Variants in TAB2 observed in about 807,000 individuals in gnomAD.
The protein encoded by TAB2 is TGF-beta activated kinase 1 (MAP3K7) binding protein 2.
TAB2 carries 3 observed loss-of-function variants against 65.0 expected under a neutral mutation model. The ratio of observed to expected loss-of-function variants is 0.05; its 90% CI spans 0.02 to 0.12. The LOEUF (loss-of-function observed/expected upper bound fraction) is 0.12. Ranked by LOEUF, TAB2 falls within the 10% of genes least tolerant of loss-of-function variation. The pLI is 1.00. For missense variants in TAB2, 623 were observed against 840.3 expected (o/e 0.74, Z 3.20); for synonymous variants, 298 against 285.1 (o/e 1.05, Z -0.46).
intron 3 of TAB2, among the ~76,000 whole-genome samples, chr6:149,384,662 A>G (rs966056218): frequency 6.6e-6 from 1 of 152,226 alleles, no homozygotes; most frequent in African/African-American, 2.4e-5. Flanking sequence ...TTTCCCCTTA[A>G]GTCATACCAC....
upstream of TAB2, among the ~76,000 whole-genome samples, chr6:149,316,478 A>C (rs966523386): frequency 3.9e-5 from 6 of 152,214 alleles, no homozygotes; most frequent in African/African-American, 9.6e-5. Context: ...TTTTCTCTGG[A>C]GTAAGAATTG....
chr6:149,318,028 C>T lies in TAB2; in HGVS notation c.-90+13C>T. 6.2e-6 allele frequency: 1 copy of T among 160,840 alleles called. No individual in the cohort carries two copies. The highest frequency in any genetic ancestry group is 1.4e-4 in the South Asian group (1 of 7,046). 10.0% of individuals were successfully genotyped at this position (160,840 alleles called of 1,614,324 possible). On this transcript the variant is annotated intron_variant, in intron 1 of 6. Transcript: ENST00000637181. ...GCGGCGGCAAAGGGTAAGCGGACAG[C>T]GCTGCCGGGCCTCGGCGGGATCCCC...
At chr6:149,303,434 C>A (rs2114705179) in intron 1 of TAB2, among the ~76,000 whole-genome samples, 1 of 150,998 alleles carries the variant, frequency 6.6e-6, no homozygotes, top group East Asian at 1.9e-4. Flanking sequence ...GGCTGCAAAG[C>A]AGGATACCCC....
At chr6:149,385,207 A>G (rs1781749344) in intron 3 of TAB2, among the ~76,000 whole-genome samples, 2 of 152,250 alleles carry the variant, frequency 1.3e-5, no homozygotes, top group Non-Finnish European at 2.9e-5. Context: ...GAGATTTAAT[A>G]AAAAATGTTT....
chr6:149,263,962 G>A (rs1778207713), intron 1 of TAB2, among the ~76,000 whole-genome samples: 1 of 152,176 alleles, frequency 6.6e-6, no homozygotes, highest in African/African-American at 2.4e-5. Context: ...CATCTTCCCA[G>A]ACTGCCTCCT....
intron 1 of TAB2, among the ~76,000 whole-genome samples, chr6:149,282,698 A>G (rs940034072): frequency 1.3e-5 from 2 of 152,242 alleles, no homozygotes; most frequent in African/African-American, 2.4e-5. Context: ...TGATTCTCAG[A>G]TCGTATTTTA....
chr6:149,387,332 T>TA (rs1456802537), intron 3 of TAB2, among the ~76,000 whole-genome samples: 2 of 152,246 alleles, frequency 1.3e-5, no homozygotes, highest in Non-Finnish European at 2.9e-5. Flanking sequence ...TGCATGTGGC[T>TA]ATCCAAGTAT....
At chr6:149,240,042 C>G (rs1225853052) in intron 1 of TAB2, among the ~76,000 whole-genome samples, 1 of 69,738 alleles carries the variant, frequency 1.4e-5, no homozygotes, top group Non-Finnish European at 3.5e-5. Flanking sequence ...TAGCAGAAAG[C>G]AGCAGCAGGA....
At chr6:149,242,752 G>T (rs940139155) in intron 1 of TAB2, among the ~76,000 whole-genome samples, 1 of 152,300 alleles carries the variant, frequency 6.6e-6, no homozygotes, top group African/African-American at 2.4e-5. Context: ...GTGACATAAG[G>T]ATGGCCGCCC....
chr6:149,254,878 C>T (rs1384169109), intron 1 of TAB2, among the ~76,000 whole-genome samples: 3 of 152,144 alleles, frequency 2.0e-5, no homozygotes, highest in African/African-American at 7.2e-5. Flanking sequence ...GTAGGCTACA[C>T]AAAATTTTAG....
intron 6 of TAB2, chr6:149,400,331 T>G: frequency 6.4e-7 from 1 of 1,557,098 alleles, no homozygotes; most frequent in Non-Finnish European, 8.7e-7. Flanking sequence ...CGTGTACTCG[T>G]TAGGTGCGGA....
At chr6:149,375,907 A>G (rs753374628) in intron 2 of TAB2, among the ~76,000 whole-genome samples, 4 of 152,148 alleles carry the variant, frequency 2.6e-5, no homozygotes, top group African/African-American at 4.8e-5. Context: ...CTTGCTCACT[A>G]TCCTTTTATA....
chr6:149,398,262 T>C (rs889055929), intron 5 of TAB2, among the ~76,000 whole-genome samples, 200 bp downstream of exon 5: 1 of 152,204 alleles, frequency 6.6e-6, no homozygotes, highest in Non-Finnish European at 1.5e-5. Context: ...ATATAGAAGA[T>C]AGTAAAAATA....
In TAB2 at chr6:149,370,018, A is replaced by G. The variant is rs553008331; in HGVS notation, c.21A>G (p.Gln7=). The change falls in exon 2 of 7, where the codon CAA becomes CAG. Residue 7 remains glutamine, a synonymous_variant. Transcript: ENST00000637181. ...TACGAATGGCCCAAGGAAGCCACCA[A>G]ATTGATTTTCAGGTTTTACATGACC... is the stretch of plus-strand genomic sequence containing the variant. The part of the protein sequence containing the change: MAQGSH[Q]IDFQVLHDLR... 1,328 of 1,614,096 alleles carry G rather than the reference A, an allele frequency of 8.2e-4. 24 individuals are homozygous for G. The South Asian group carries it at 0.013, about 16-fold the overall frequency.
chr6:149,254,505 A>T (rs895860038), intron 1 of TAB2, among the ~76,000 whole-genome samples: 1 of 152,210 alleles, frequency 6.6e-6, no homozygotes, highest in Non-Finnish European at 1.5e-5. Context: ...TTTAACAGGC[A>T]ACTACTTGTG....
chr6:149,327,912 C>A (rs535226007), intron 1 of TAB2, among the ~76,000 whole-genome samples: 1 of 152,282 alleles, frequency 6.6e-6, no homozygotes, highest in Admixed American at 6.5e-5. Context: ...AATTGTTTGG[C>A]CTGCATGAGA....
At chr6:149,346,457 T>G (rs868851805) in intron 1 of TAB2, 2,295 of 150,524 alleles carry the variant, frequency 0.015, 51 homozygotes, top group South Asian at 0.098. Context: ...ACTTTTTTTT[T>G]TTTTTTTTTT....
chr6:149,263,796 G>A (rs913983922), intron 1 of TAB2, among the ~76,000 whole-genome samples: 12 of 152,172 alleles, frequency 7.9e-5, no homozygotes, highest in African/African-American at 2.7e-4. Flanking sequence ...TGGCATTGGC[G>A]CCCAGGAGGT....
At chr6:149,393,890 A>G (rs1023872447) in intron 3 of TAB2, among the ~76,000 whole-genome samples, 1 of 151,128 alleles carries the variant, frequency 6.6e-6, no homozygotes, top group Admixed American at 6.6e-5. Context: ...TGCCCTCAAG[A>G]TTTTCTTTCT....
Sources: allele counts gnomAD v4.1 joint callset (sites outside exome capture counted in the v4.1 genomes callset), GRCh38; gene constraint gnomAD v4.1.1; transcripts MANE v1.5; gene names NCBI Gene and HGNC (gene_info 2026-07-23, HGNC 2026-07-21).